Variants in RIMBP2 observed in about 807,000 individuals in gnomAD.
The protein encoded by RIMBP2 is RIMS-binding protein 2.
A neutral mutation model predicts 118.6 loss-of-function variants in RIMBP2; 48 were observed. The ratio of observed to expected loss-of-function variants is 0.40; its 90% CI spans 0.32 to 0.51. The LOEUF is 0.51. RIMBP2 is among the 20% of genes least tolerant of loss of function. RIMBP2 has a pLI of 0.41. For synonymous variants in RIMBP2, 762 were observed against 742.9 expected (o/e 1.03, Z -0.42); for missense variants, 1,551 against 1,768.3 (o/e 0.88, Z 2.20).
rs541254627 is a variant in RIMBP2, at chr12:130,478,934, T to C, written c.80A>G (p.Gln27Arg). ...QALAVLSAKQ[Q>R]EIDLLQKAQV... Reference sequence around the variant, plus strand: ...TACCTTCTGCAGAAGGTCAATTTCCTGCTGCTTGGCACTGAGAACAGCCAG... The same window carrying C: ...TACCTTCTGCAGAAGGTCAATTTCCCGCTGCTTGGCACTGAGAACAGCCAG... The change falls in exon 5 of 23, where the codon CAG becomes CGG. Residue 27 changes from glutamine (Q) to arginine (R), a missense_variant. Transcript: ENST00000690449. 1.2e-6 allele frequency: 2 copies of C among 1,613,670 alleles called. No homozygotes were observed. Among genetic ancestry groups the C allele is most frequent in the African/African-American group, 2.7e-5 (2 of 75,042 alleles).
intron 2 of RIMBP2, among the ~76,000 whole-genome samples, chr12:130,595,340 T>C (rs982401429): frequency 2.0e-5 from 3 of 151,970 alleles, no homozygotes; most frequent in Non-Finnish European, 4.4e-5. Context: ...GGGCGGACTA[T>C]GAGGTCAAGA....
chr12:130,648,229 T>C lies in RIMBP2; in HGVS notation c.-351-19773A>G, dbSNP rs541094140. On this transcript the variant is annotated intron_variant, in intron 1 of 22. Coordinates refer to ENST00000690449, the MANE Select transcript of RIMBP2 (RefSeq NM_001393629.1). ...TGTCAAGGGAAAAGGGGAAATCCCA[T>C]TTCGTGCGCCACTAATGGAAGAGGA... Among the ~76,000 whole-genome samples, 5 of 146,020 alleles carry C rather than the reference T, an allele frequency of 3.4e-5. 1 individual carries two copies. The East Asian group carries it at 9.7e-4, about 28-fold the overall frequency.
intron 1 of RIMBP2, among the ~76,000 whole-genome samples, chr12:130,639,110 G>A (rs553633279): frequency 8.6e-4 from 131 of 152,206 alleles, no homozygotes; most frequent in African/African-American, 2.6e-3. Context: ...AAGCCTGGCC[G>A]GGCACGGTGG....
At chr12:130,462,387 G>A (rs1593392558) in intron 6 of RIMBP2, among the ~76,000 whole-genome samples, 1 of 152,342 alleles carries the variant, frequency 6.6e-6, no homozygotes, top group East Asian at 1.9e-4. Flanking sequence ...GCTGCCGCAA[G>A]CCTGGAGACA....
At chr12:130,461,552 C>T (rs117984187) in intron 6 of RIMBP2, among the ~76,000 whole-genome samples, 6,101 of 152,238 alleles carry the variant, frequency 0.04, 191 homozygotes, top group Non-Finnish European at 0.067. Context: ...AGCAGCAGGG[C>T]GTCGTCCCCT....
At chr12:130,534,347 C>T (rs2053796081) in intron 2 of RIMBP2, among the ~76,000 whole-genome samples, 1 of 151,846 alleles carries the variant, frequency 6.6e-6, no homozygotes, top group Admixed American at 6.6e-5. Context: ...GGTGCAGTGG[C>T]TCACGCCTGT....
Position 130,423,028 on chromosome 12 carries a change from C to T in RIMBP2, c.3130-467G>A, listed in dbSNP as rs182228085. On this transcript the variant is annotated intron_variant, in intron 16 of 22. Coordinates refer to ENST00000690449, the MANE Select transcript of RIMBP2 (RefSeq NM_001393629.1). ...TGTGAGGTTTCAAAAAACTGAAAGA[C>T]GGAAGTTTCTACATTTTATCAGCTT... 6.6e-5 allele frequency among the ~76,000 whole-genome samples: 10 copies of T among 152,290 alleles called. No individual in the cohort carries two copies. The East Asian group carries it at 1.5e-3, about 24-fold the overall frequency.
At chr12:130,704,050 T>C (rs970770662) in intron 1 of RIMBP2, among the ~76,000 whole-genome samples, 4 of 152,146 alleles carry the variant, frequency 2.6e-5, no homozygotes, top group African/African-American at 4.8e-5. Context: ...TCCTTCCAGA[T>C]GAAGCAGCAT....
At chr12:130,406,072 G>T in intron 21 of RIMBP2, 100 bp downstream of exon 21, 1 of 758,012 alleles carries the variant, frequency 1.3e-6, no homozygotes, top group Non-Finnish European at 2.3e-6. Flanking sequence ...TGACGTTCAT[G>T]CCCAATTTTA....
At chr12:130,546,055 C>A (rs920264266) in intron 2 of RIMBP2, among the ~76,000 whole-genome samples, 6 of 151,822 alleles carry the variant, frequency 4.0e-5, no homozygotes, top group African/African-American at 1.5e-4. Context: ...GAGTCCTGTC[C>A]CCCTTTGGGA....
chr12:130,481,034 G>C (rs2081955052), intron 4 of RIMBP2, among the ~76,000 whole-genome samples: 1 of 152,212 alleles, frequency 6.6e-6, no homozygotes, highest in Non-Finnish European at 1.5e-5. Context: ...GCCTGAGCTG[G>C]AAAGAGGAGC....
chr12:130,692,888 G>C lies in RIMBP2; in HGVS notation c.-352+23334C>G, dbSNP rs560234613. 4.8e-3 allele frequency among the ~76,000 whole-genome samples: 691 copies of C among 143,662 alleles called. 9 individuals are homozygous for C. The highest frequency in any genetic ancestry group is 0.02 in the African/African-American group (659 of 33,772). The allele number at this position is 143,662 out of a possible 152,430, so 94.2% of individuals were successfully genotyped here. ...GGGTAGGGTAGGGTAGGGTAGGGTA[G>C]GGTAGGATAGGATAGGGTAGGGTAG... On this transcript the variant is annotated intron_variant, in intron 1 of 22. Transcript: ENST00000690449.
chr12:130,564,301 ATTTT>A (rs1211867306), intron 2 of RIMBP2, among the ~76,000 whole-genome samples: 1 of 141,566 alleles, frequency 7.1e-6, no homozygotes, highest in Admixed American at 7.4e-5. Flanking sequence ...CTTCCTCCTT[ATTTT>A]ATTTCCCCAG....
At chr12:130,544,904 G>C (rs1274243188) in intron 2 of RIMBP2, among the ~76,000 whole-genome samples, 1 of 152,150 alleles carries the variant, frequency 6.6e-6, no homozygotes, top group African/African-American at 2.4e-5. Flanking sequence ...CAGATGGAGA[G>C]AGTGCGGGTG....
chr12:130,539,445 C>T (rs531314404), intron 2 of RIMBP2, among the ~76,000 whole-genome samples: 15 of 152,280 alleles, frequency 9.9e-5, no homozygotes, highest in African/African-American at 3.1e-4. Context: ...GTGGGCACCT[C>T]GAGGGAGGAG....
intron 1 of RIMBP2, among the ~76,000 whole-genome samples, chr12:130,679,125 A>G (rs1460741860): frequency 2.6e-5 from 4 of 152,262 alleles, no homozygotes; most frequent in African/African-American, 7.2e-5. Flanking sequence ...ACCAAAAAAA[A>G]GAAGGGTTAT....
chr12:130,498,376 C>G (rs11060952), intron 4 of RIMBP2, among the ~76,000 whole-genome samples: 61,473 of 152,094 alleles, frequency 0.4, 12,724 homozygotes, highest in African/African-American at 0.45. Flanking sequence ...CGAGTGTCTA[C>G]TATATGCCAG....
At chr12:130,407,666 C>A in intron 20 of RIMBP2, 60 bp downstream of exon 20, 2 of 1,353,194 alleles carry the variant, frequency 1.5e-6, no homozygotes, top group Non-Finnish European at 2.1e-6. Context: ...GTGTGGTGTA[C>A]CACGAGGGAA....
chr12:130,401,587 C>T (rs992279897), intron 21 of RIMBP2, among the ~76,000 whole-genome samples: 2 of 151,884 alleles, frequency 1.3e-5, no homozygotes, highest in African/African-American at 4.8e-5. Flanking sequence ...TTACCTGTGA[C>T]TGCCCTGGGC....
Sources: allele counts gnomAD v4.1 joint callset (sites outside exome capture counted in the v4.1 genomes callset), GRCh38; gene constraint gnomAD v4.1.1; transcripts MANE v1.5; gene names NCBI Gene and HGNC (gene_info 2026-07-23, HGNC 2026-07-21).